RYR3: variants seen among roughly 807,000 people sequenced by gnomAD.
RYR3 encodes the protein brain ryanodine receptor-calcium release channel.
A neutral mutation model predicts 584.3 loss-of-function variants in RYR3; 207 were observed. The ratio of observed to expected loss-of-function variants is 0.35; its 90% CI spans 0.32 to 0.40. The LOEUF (loss-of-function observed/expected upper bound fraction) is 0.40, where lower values mean the gene tolerates loss of function less well. RYR3 is among the 10% of genes least tolerant of loss of function. The pLI, the probability that RYR3 is intolerant of heterozygous loss-of-function variation, is 1.00. For missense variants in RYR3, 5,616 were observed against 6,089.2 expected (o/e 0.92, Z 2.59); for synonymous variants, 2,416 against 2,248.5 (o/e 1.07, Z -2.11).
chr15:33,704,646 T>C (rs371883146), intron 42 of RYR3, among the ~76,000 whole-genome samples: 1 of 152,200 alleles, frequency 6.6e-6, no homozygotes, highest in East Asian at 1.9e-4. Flanking sequence ...AACCGATGCT[T>C]GTGTGAAAAG....
chr15:33,691,865 A>G (rs960617940), intron 38 of RYR3, among the ~76,000 whole-genome samples: 1 of 152,252 alleles, frequency 6.6e-6, no homozygotes, highest in Non-Finnish European at 1.5e-5. Flanking sequence ...ACTCGATTCA[A>G]GCTAAGGCAC....
At chr15:33,833,262 A>G (rs1374366225) in intron 86 of RYR3, among the ~76,000 whole-genome samples, 2 of 152,160 alleles carry the variant, frequency 1.3e-5, no homozygotes. Flanking sequence ...AGAACTTTTT[A>G]TATTCCAAGA....
At position 33,738,607 on chromosome 15, in the gene RYR3, C is replaced by T; in HGVS notation, c.7656+17C>T. The T allele has an allele frequency of 1.2e-6, 2 of 1,612,472 alleles. No homozygotes were observed. Among genetic ancestry groups the T allele is most frequent in the Non-Finnish European group, 1.7e-6 (2 of 1,179,308 alleles). On this transcript the variant is annotated intron_variant, in intron 50 of 103. Transcript: ENST00000634891. The stretch of plus-strand genomic sequence containing the variant: ...TCCCATAAGGTAATGACAGTACTTT[C>T]TGAACAAAAAGAGAGCATCTCAGTG...
intron 37 of RYR3, 44 bp downstream of exon 37, chr15:33,669,500 A>G (rs943506425): frequency 6.4e-7 from 1 of 1,559,550 alleles, no homozygotes; most frequent in African/African-American, 1.4e-5. Context: ...TTACAAGAAG[A>G]GTCTGTTTTT....
At chr15:33,664,589 G>GTGTGTGTGTGTGTATATATATATA (rs577496539) in intron 36 of RYR3, among the ~76,000 whole-genome samples, 2 of 91,384 alleles carry the variant, frequency 2.2e-5, no homozygotes, top group South Asian at 5.0e-4. Flanking sequence ...GTGTGTGTGT[G>GTGTGTGTGTGTGTATATATATATA]TATATATATA....
At chr15:33,312,152 T>A (rs1297244961) in intron 1 of RYR3, among the ~76,000 whole-genome samples, 2 of 152,256 alleles carry the variant, frequency 1.3e-5, no homozygotes, top group Non-Finnish European at 2.9e-5. Context: ...GGTAATTTTA[T>A]ATGCGCTGCC....
intron 86 of RYR3, among the ~76,000 whole-genome samples, chr15:33,834,299 C>CACACACACACACAG (rs2077883193): frequency 1.4e-5 from 2 of 143,942 alleles, no homozygotes; most frequent in South Asian, 4.4e-4. Flanking sequence ...CACACACACA[C>CACACACACACACAG]ACACACACAC....
chr15:33,516,542 G>T (rs1395922658), intron 3 of RYR3, among the ~76,000 whole-genome samples: 1 of 151,916 alleles, frequency 6.6e-6, no homozygotes, highest in Admixed American at 6.6e-5. Flanking sequence ...CACCATGTTG[G>T]CCAAGCTGGT....
intron 20 of RYR3, among the ~76,000 whole-genome samples, chr15:33,627,200 G>A (rs2061036004): frequency 6.6e-6 from 1 of 152,154 alleles, no homozygotes; most frequent in South Asian, 2.1e-4. Flanking sequence ...CATCTTCTAA[G>A]TTGTCAAAAG....
intron 48 of RYR3, among the ~76,000 whole-genome samples, chr15:33,735,818 C>T (rs8037593): frequency 0.26 from 38,787 of 152,062 alleles, 5,470 homozygotes; most frequent in African/African-American, 0.38. Context: ...CTCTTCAAAT[C>T]GCACCAGTAG....
chr15:33,708,390 A>G (rs2066865134), intron 43 of RYR3, among the ~76,000 whole-genome samples: 1 of 152,214 alleles, frequency 6.6e-6, no homozygotes, highest in African/African-American at 2.4e-5. Context: ...TTATGAGACC[A>G]TCTACCTGGA....
chr15:33,764,327 A>T (rs1393486199), intron 60 of RYR3, among the ~76,000 whole-genome samples: 2 of 152,166 alleles, frequency 1.3e-5, no homozygotes, highest in Non-Finnish European at 2.9e-5. Flanking sequence ...TAACACAGGA[A>T]CAGAAAACCA....
At position 33,765,632 on chromosome 15, in the gene RYR3, C is replaced by CAA. The variant is rs761552773; in HGVS notation, c.8706-3004_8706-3003dup. Among the ~76,000 whole-genome samples, 424 of 60,414 alleles carry CAA rather than the reference C, an allele frequency of 7.0e-3. 5 individuals are homozygous for CAA. Among genetic ancestry groups the CAA allele is most frequent in the African/African-American group, 0.013 (248 of 18,984 alleles). The allele number at this position is 60,414 out of a possible 152,430, so 39.6% of individuals were successfully genotyped here. A position where few individuals can be genotyped will look rare whatever the true frequency, so the allele number is the denominator to read the frequency against. On this transcript the variant is annotated intron_variant, in intron 60 of 103. Transcript: ENST00000634891. ...TCGCCAATAGAGTGAGACTCCGTCT[C>CAA]AAAAAAAAAAAAAAAAAAAAAAAGA...
At chr15:33,451,054 A>G (rs1166413396) in intron 1 of RYR3, among the ~76,000 whole-genome samples, 2 of 152,192 alleles carry the variant, frequency 1.3e-5, no homozygotes, top group African/African-American at 4.8e-5. Context: ...CTGGATCCTC[A>G]TTTTATCTCT....
intron 10 of RYR3, among the ~76,000 whole-genome samples, chr15:33,561,701 C>T (rs1042902351): frequency 6.8e-6 from 1 of 147,366 alleles, no homozygotes; most frequent in Non-Finnish European, 1.5e-5. Flanking sequence ...CATGGGGAAA[C>T]CCTGTCTCTG....
chr15:33,641,990 C>A (rs964134619), intron 27 of RYR3, among the ~76,000 whole-genome samples: 3 of 144,114 alleles, frequency 2.1e-5, no homozygotes, highest in African/African-American at 7.7e-5. Flanking sequence ...TAAAGGATCT[C>A]ATCCCATTTT....
At chr15:33,527,047 A>G (rs2054448589) in intron 3 of RYR3, among the ~76,000 whole-genome samples, 1 of 152,022 alleles carries the variant, frequency 6.6e-6, no homozygotes, top group Non-Finnish European at 1.5e-5. Context: ...AACAGAGGAA[A>G]ACCAGTATGA....
At chr15:33,328,204 C>T (rs1464293597) in intron 1 of RYR3, among the ~76,000 whole-genome samples, 1 of 152,174 alleles carries the variant, frequency 6.6e-6, no homozygotes, top group Non-Finnish European at 1.5e-5. Context: ...TGAAATCTGA[C>T]ATCTCATGTT....
chr15:33,336,871 C>T (rs1158714129), intron 1 of RYR3, among the ~76,000 whole-genome samples: 3 of 150,280 alleles, frequency 2.0e-5, no homozygotes, highest in East Asian at 2.0e-4. Flanking sequence ...CTGGCTAACA[C>T]GGTGAAACCC....
Sources: allele counts gnomAD v4.1 joint callset (sites outside exome capture counted in the v4.1 genomes callset), GRCh38; gene constraint gnomAD v4.1.1; transcripts MANE v1.5; gene names NCBI Gene and HGNC (gene_info 2026-07-23, HGNC 2026-07-21).